The following FRK variants were observed in gnomAD, a reference collection of about 807,000 sequenced individuals.
The protein encoded by FRK is tyrosine-protein kinase FRK.
Under a neutral mutation model 56.4 loss-of-function variants are expected in FRK, and 51 were observed. The observed-to-expected ratio is 0.90, with a 90% CI of 0.72 to 1.14. The LOEUF is 1.14. Ranked by LOEUF, FRK falls within the 50% of genes most tolerant of loss-of-function variation. FRK has a pLI of 0.00. For missense variants in FRK, 570 were observed against 601.4 expected, an observed-to-expected ratio of 0.95 and a Z score of 0.55; for synonymous variants, 245 against 217.9, an observed-to-expected ratio of 1.12 and a Z score of -1.10.
chr6:116,015,944 A>G (rs935687083), intron 1 of FRK, among the ~76,000 whole-genome samples: 5 of 152,326 alleles, frequency 3.3e-5, no homozygotes, highest in African/African-American at 9.6e-5. Context: ...TTATCAGGGA[A>G]GCAGAGCATA....
At chr6:115,956,424 T>A in intron 5 of FRK, 28 bp downstream of exon 5, 1 of 1,465,750 alleles carries the variant, frequency 6.8e-7, no homozygotes. Flanking sequence ...ATTCCTCTTT[T>A]TTTCCTTGTA....
At chr6:115,946,246 T>C (rs553815851) in intron 5 of FRK, among the ~76,000 whole-genome samples, 1 of 152,256 alleles carries the variant, frequency 6.6e-6, no homozygotes, top group Non-Finnish European at 1.5e-5. Context: ...GAAACCTGGT[T>C]TGAAGCTAGA....
At chr6:116,072,214 A>G in the FRK span, among the ~76,000 whole-genome samples, 3 of 152,156 alleles carry the variant, frequency 2.0e-5, no homozygotes, top group Admixed American at 6.6e-5. Context: ...TTAGATCTAT[A>G]CTTGTTTCAT....
At chr6:116,006,769 A>C (rs1775262964) in intron 1 of FRK, among the ~76,000 whole-genome samples, 1 of 152,188 alleles carries the variant, frequency 6.6e-6, no homozygotes, top group African/African-American at 2.4e-5. Flanking sequence ...GCTGTAGTGC[A>C]CTATGATCGC....
At chr6:116,098,115 TTTTTTTTTTTTTA>T in the FRK span, among the ~76,000 whole-genome samples, 1 of 126,360 alleles carries the variant, frequency 7.9e-6, no homozygotes, top group African/African-American at 3.3e-5. Flanking sequence ...TTTTTTTTTT[TTTTTTTTTTTTTA>T]AAAGACAGGG....
chr6:116,018,519 T>G (rs1051058819), intron 1 of FRK, among the ~76,000 whole-genome samples: 5 of 152,198 alleles, frequency 3.3e-5, no homozygotes, highest in African/African-American at 1.2e-4. Flanking sequence ...ATAATTCAGT[T>G]TATTAAAATT....
At chr6:115,999,602 A>AAGAAAGAGAT (rs1173927379) in intron 2 of FRK, among the ~76,000 whole-genome samples, 22 of 152,212 alleles carry the variant, frequency 1.4e-4, no homozygotes, top group Admixed American at 1.4e-3. Context: ...TCAAGTGGGA[A>AAGAAAGAGAT]AGAAAGAGAT....
intron 1 of FRK, among the ~76,000 whole-genome samples, chr6:116,048,642 T>G (rs1474989448): frequency 6.6e-6 from 1 of 152,084 alleles, no homozygotes; most frequent in African/African-American, 2.4e-5. Context: ...CACCTCAACC[T>G]CCAAAAGTAC....
intron 4 of FRK, among the ~76,000 whole-genome samples, chr6:115,958,704 G>GAAAGAAGGAAGAAAGA (rs5879359): frequency 1.4e-4 from 1 of 6,960 alleles, no homozygotes; most frequent in African/African-American, 4.0e-4. Flanking sequence ...AAGAAAGAAA[G>GAAAGAAGGAAGAAAGA]AAGAAAGAAA....
At chr6:116,085,785 C>CTTTT in the FRK span, among the ~76,000 whole-genome samples, 7 of 152,158 alleles carry the variant, frequency 4.6e-5, no homozygotes, top group Admixed American at 2.0e-4. Context: ...CATATGAACA[C>CTTTT]GGAGATTCTG....
chr6:115,942,549 T>C lies in FRK; in HGVS notation c.1383A>G (p.Gln461=). 1.2e-6 allele frequency: 2 copies of C among 1,613,808 alleles called. No individual in the cohort carries two copies. Among genetic ancestry groups the C allele is most frequent in the South Asian group, 1.1e-5 (1 of 91,074 alleles). The change falls in exon 8 of 8, where the codon CAA becomes CAG. Residue 461 remains glutamine, a synonymous_variant. Coordinates refer to ENST00000606080, the MANE Select transcript of FRK (RefSeq NM_002031.3). ...AGCACTCCAACATGATGTTGTAAAA[T>C]TGCTGTGGACAGTTGGATGGTTGCG... ...RLPQPSNCPQ[Q]FYNIMLECWN...
the FRK span, among the ~76,000 whole-genome samples, chr6:116,073,696 G>C: frequency 3.9e-5 from 6 of 152,190 alleles, no homozygotes; most frequent in South Asian, 1.0e-3. Context: ...ATATTATGTA[G>C]GAAACTATTT....
chr6:115,977,716 A>G (rs1774038721), intron 2 of FRK, among the ~76,000 whole-genome samples: 1 of 152,144 alleles, frequency 6.6e-6, no homozygotes, highest in Admixed American at 6.6e-5. Context: ...TCCATATGGC[A>G]TAGCATAGAA....
rs1159441877 is a variant in FRK at position 115,938,456 on chromosome 6, G to T, written c.*3958C>A. Reference sequence around the variant, plus strand: ...CAAACAAATTCAAAAGCTAGCAGAAGACAAGAAATAACTAAGATCAGAACA... The same window carrying T: ...CAAACAAATTCAAAAGCTAGCAGAATACAAGAAATAACTAAGATCAGAACA... On this transcript the variant is annotated 3_prime_UTR_variant, in exon 8 of 8. Transcript: ENST00000606080. The T allele has an allele frequency of 6.6e-6, 1 of 152,064 alleles. No homozygotes were observed. Among genetic ancestry groups the T allele is most frequent in the Admixed American group, 6.6e-5 (1 of 15,246 alleles). The allele number at this position is 152,064 out of a possible 1,614,324, so 9.4% of individuals were successfully genotyped here.
At chr6:116,095,531 T>C in the FRK span, among the ~76,000 whole-genome samples, 1 of 152,206 alleles carries the variant, frequency 6.6e-6, no homozygotes, top group Non-Finnish European at 1.5e-5. Flanking sequence ...TCTAATCTTA[T>C]GGACATCATA....
chr6:115,971,087 T>C (rs1773790033), intron 2 of FRK, among the ~76,000 whole-genome samples: 1 of 152,182 alleles, frequency 6.6e-6, no homozygotes, highest in Admixed American at 6.6e-5. Context: ...ACTTTTATTA[T>C]GTGTATCACA....
chr6:116,026,040 A>AT (rs1390237469), intron 1 of FRK, among the ~76,000 whole-genome samples: 1 of 152,144 alleles, frequency 6.6e-6, no homozygotes, highest in Non-Finnish European at 1.5e-5. Context: ...CAGCACCTTA[A>AT]TATCTCCTTG....
chr6:115,942,743 T>C, intron 7 of FRK, 118 bp from the exon 8 acceptor site: 3 of 915,962 alleles, frequency 3.3e-6, no homozygotes, highest in Non-Finnish European at 5.0e-6. Flanking sequence ...TTGGCAAAGA[T>C]TTAAGGTCTG....
chr6:116,032,297 A>T (rs1776331102), intron 1 of FRK, among the ~76,000 whole-genome samples: 1 of 152,090 alleles, frequency 6.6e-6, no homozygotes, highest in African/African-American at 2.4e-5. Flanking sequence ...ACTGAAAAAC[A>T]TTATCTGCAA....
Sources: allele counts gnomAD v4.1 joint callset (sites outside exome capture counted in the v4.1 genomes callset), GRCh38; gene constraint gnomAD v4.1.1; transcripts MANE v1.5; gene names NCBI Gene and HGNC (gene_info 2026-07-23, HGNC 2026-07-21).